TRPM3: variants seen among roughly 807,000 people sequenced by gnomAD.
The protein encoded by TRPM3 is transient receptor potential cation channel subfamily M member 3.
A neutral mutation model predicts 181.2 loss-of-function variants in TRPM3; 77 were observed. That is an observed-to-expected ratio of 0.42 (90% CI 0.35 to 0.51). The LOEUF (loss-of-function observed/expected upper bound fraction) is 0.51, where lower values mean the gene tolerates loss of function less well. Ranked by LOEUF, TRPM3 falls within the 20% of genes least tolerant of loss-of-function variation. The pLI, the probability that TRPM3 is intolerant of heterozygous loss-of-function variation, is 0.01. For synonymous variants in TRPM3, 745 were observed against 796.4 expected (o/e 0.94, Z 1.09); for missense variants, 1,759 against 2,196.7 (o/e 0.80, Z 3.98).
chr9:71,326,081 C>G (rs1300883649), intron 1 of TRPM3, among the ~76,000 whole-genome samples: 2 of 152,150 alleles, frequency 1.3e-5, no homozygotes, highest in African/African-American at 4.8e-5. Context: ...TTGCCCATGT[C>G]AGAAAATATT....
chr9:71,316,534 G>T (rs536219994), intron 1 of TRPM3, among the ~76,000 whole-genome samples: 49 of 152,274 alleles, frequency 3.2e-4, no homozygotes, highest in Non-Finnish European at 4.4e-5. Flanking sequence ...GTTCTTAAAA[G>T]AACCCTTCTG....
At chr9:71,168,580 T>A (rs2076667006) in intron 1 of TRPM3, among the ~76,000 whole-genome samples, 1 of 80,746 alleles carries the variant, frequency 1.2e-5, no homozygotes, top group Non-Finnish European at 2.4e-5. Flanking sequence ...TTATTTTTGT[T>A]TTTTATTTTT....
chr9:70,786,492 T>G, intron 6 of TRPM3, among the ~76,000 whole-genome samples: 1 of 151,486 alleles, frequency 6.6e-6, no homozygotes, highest in Admixed American at 6.6e-5. Context: ...TTTCAAAAAA[T>G]AAAATAAAAA....
intron 1 of TRPM3, among the ~76,000 whole-genome samples, chr9:71,132,284 C>T (rs2074419852): frequency 6.6e-6 from 1 of 152,216 alleles, no homozygotes; most frequent in African/African-American, 2.4e-5. Context: ...CCTTATGCTC[C>T]ATGGCCCCTT....
At chr9:71,244,248 C>T (rs1287506287) in intron 1 of TRPM3, among the ~76,000 whole-genome samples, 1 of 152,136 alleles carries the variant, frequency 6.6e-6, no homozygotes, top group Non-Finnish European at 1.5e-5. Context: ...AAGAGGTGGT[C>T]AGAGGGAGGC....
At chr9:70,566,231 G>T (rs957454173) in intron 22 of TRPM3, among the ~76,000 whole-genome samples, 1 of 152,066 alleles carries the variant, frequency 6.6e-6, no homozygotes, top group African/African-American at 2.4e-5. Context: ...GAAGCCCACG[G>T]GTGGTGGTGG....
intron 1 of TRPM3, among the ~76,000 whole-genome samples, chr9:71,317,887 A>G (rs2088800052): frequency 6.6e-6 from 1 of 152,136 alleles, no homozygotes; most frequent in South Asian, 2.1e-4. Flanking sequence ...TTTTTGAAAT[A>G]AAAACAAAAA....
intron 1 of TRPM3, among the ~76,000 whole-genome samples, chr9:70,888,682 C>T (rs2096138052): frequency 1.3e-5 from 2 of 152,056 alleles, no homozygotes; most frequent in African/African-American, 4.8e-5. Flanking sequence ...CTAGATCTGC[C>T]TGTCTACTTT....
intron 1 of TRPM3, among the ~76,000 whole-genome samples, chr9:71,336,829 C>T (rs1192066118): frequency 1.3e-5 from 2 of 152,034 alleles, no homozygotes; most frequent in African/African-American, 4.8e-5. Context: ...CTTTGACAAA[C>T]CTGACAAAAA....
chr9:70,544,050 C>G (rs2044233784), intron 25 of TRPM3, among the ~76,000 whole-genome samples: 1 of 152,112 alleles, frequency 6.6e-6, no homozygotes, highest in Non-Finnish European at 1.5e-5. Context: ...ATGCTGCCCA[C>G]AAGCCACCGT....
chr9:70,600,866 T>C (rs1218428626), intron 20 of TRPM3, among the ~76,000 whole-genome samples: 5 of 152,168 alleles, frequency 3.3e-5, no homozygotes, highest in South Asian at 2.1e-4. Flanking sequence ...CAGAGGTTTG[T>C]AGTATCATTT....
chr9:71,204,443 C>G (rs1189157420), intron 1 of TRPM3, among the ~76,000 whole-genome samples: 1 of 152,142 alleles, frequency 6.6e-6, no homozygotes, highest in African/African-American at 2.4e-5. Context: ...ATTTATGCAG[C>G]CAAAAGACAC....
chr9:71,090,721 C>T (rs746619057), intron 1 of TRPM3, among the ~76,000 whole-genome samples: 6 of 152,146 alleles, frequency 3.9e-5, no homozygotes, highest in Non-Finnish European at 7.4e-5. Context: ...GTCATCCATT[C>T]TATCATCTTA....
intron 1 of TRPM3, among the ~76,000 whole-genome samples, chr9:71,176,265 G>A (rs982696150): frequency 3.9e-5 from 6 of 152,130 alleles, no homozygotes; most frequent in Non-Finnish European, 8.8e-5. Flanking sequence ...TGCCCCTGAA[G>A]ACCTTCCAGT....
intron 1 of TRPM3, among the ~76,000 whole-genome samples, chr9:70,934,566 G>C (rs79916530): frequency 1.3e-5 from 2 of 152,062 alleles, no homozygotes; most frequent in Admixed American, 6.6e-5. Flanking sequence ...TCTTAGCCTC[G>C]GTTTCCTCAC....
chr9:71,127,997 A>G (rs1696863576), intron 1 of TRPM3, among the ~76,000 whole-genome samples: 2 of 152,252 alleles, frequency 1.3e-5, no homozygotes, highest in Non-Finnish European at 2.9e-5. Flanking sequence ...TACTACCAAT[A>G]TTGGAGTCAT....
chr9:71,301,368 A>G (rs944886236), intron 1 of TRPM3, among the ~76,000 whole-genome samples: 1 of 152,168 alleles, frequency 6.6e-6, no homozygotes, highest in East Asian at 1.9e-4. Flanking sequence ...GGGAAAACTG[A>G]TGCTTTACAC....
At chr9:70,687,472 T>C (rs930490713) in intron 8 of TRPM3, among the ~76,000 whole-genome samples, 4 of 152,218 alleles carry the variant, frequency 2.6e-5, no homozygotes, top group Admixed American at 6.5e-5. Context: ...AACTGGGTAG[T>C]TGATCTTATC....
At chr9:71,362,203 A>G (rs2092177222) in intron 1 of TRPM3, among the ~76,000 whole-genome samples, 2 of 152,164 alleles carry the variant, frequency 1.3e-5, no homozygotes, top group African/African-American at 4.8e-5. Context: ...GTCTGTTCCC[A>G]TATCCTGAAC....
Sources: allele counts gnomAD v4.1 joint callset (sites outside exome capture counted in the v4.1 genomes callset), GRCh38; gene constraint gnomAD v4.1.1; transcripts MANE v1.5; gene names NCBI Gene and HGNC (gene_info 2026-07-23, HGNC 2026-07-21).